Variants in CHRM3 observed in about 807,000 individuals in gnomAD.
The protein encoded by CHRM3 is cholinergic receptor muscarinic 3, also known as muscarinic acetylcholine receptor M3.
CHRM3 carries 11 observed loss-of-function variants against 41.8 expected under a neutral mutation model. That is an observed-to-expected ratio of 0.26 (90% CI 0.17 to 0.44). The LOEUF is 0.44. CHRM3 is among the 20% of genes least tolerant of loss of function. The pLI, the probability that CHRM3 is intolerant of heterozygous loss-of-function variation, is 1.00. For synonymous variants in CHRM3, 297 were observed against 301.4 expected (o/e 0.99, Z 0.15); for missense variants, 571 against 745.4 (o/e 0.77, Z 2.72).
chr1:239,601,837 C>G (rs1665579555), intron 3 of CHRM3, among the ~76,000 whole-genome samples: 1 of 151,794 alleles, frequency 6.6e-6, no homozygotes, highest in Non-Finnish European at 1.5e-5. Flanking sequence ...AAAAATATCC[C>G]TTTGTTCCTA....
At chr1:239,595,051 T>C (rs1664634639) in intron 3 of CHRM3, among the ~76,000 whole-genome samples, 1 of 152,200 alleles carries the variant, frequency 6.6e-6, no homozygotes, top group African/African-American at 2.4e-5. Context: ...ATTGTGCCAT[T>C]GCACTCCAGC....
Position 239,641,322 on chromosome 1 carries a change from T to A in CHRM3, c.-250+9036T>A, listed in dbSNP as rs1248086379. ...TGAGTTCAATTCCTGGATATCCTTG[T>A]TAACTTTCTGTCTCATTGATCTGTC... On this transcript the variant is annotated intron_variant, in intron 4 of 6. Coordinates refer to ENST00000676153, the MANE Select transcript of CHRM3 (RefSeq NM_001375978.1). 5.3e-5 allele frequency among the ~76,000 whole-genome samples: 8 copies of A among 151,698 alleles called. 1 individual carries two copies. The highest frequency in any genetic ancestry group is 7.3e-5 in the African/African-American group (3 of 41,322).
chr1:239,600,439 C>G (rs1665377556), intron 3 of CHRM3, among the ~76,000 whole-genome samples: 3 of 152,026 alleles, frequency 2.0e-5, no homozygotes. Context: ...CAGATTGTGT[C>G]AGGTAGGCTA....
chr1:239,645,153 T>A (rs912114857), intron 4 of CHRM3, among the ~76,000 whole-genome samples: 2 of 152,102 alleles, frequency 1.3e-5, no homozygotes, highest in African/African-American at 4.8e-5. Flanking sequence ...GAGCCAAGTG[T>A]CCCCATCGTA....
chr1:239,794,350 T>C (rs910994191), intron 5 of CHRM3, among the ~76,000 whole-genome samples: 4 of 151,896 alleles, frequency 2.6e-5, no homozygotes, highest in Non-Finnish European at 5.9e-5. Context: ...TAGAGTTACC[T>C]TTTGCTTTGC....
chr1:239,444,219 C>A (rs1302825304), intron 1 of CHRM3, among the ~76,000 whole-genome samples: 1 of 152,142 alleles, frequency 6.6e-6, no homozygotes, highest in Non-Finnish European at 1.5e-5. Flanking sequence ...AGACAAAATA[C>A]AAAAGTCCAT....
intron 1 of CHRM3, among the ~76,000 whole-genome samples, chr1:239,433,902 T>C (rs193242864): frequency 8.5e-5 from 13 of 152,322 alleles, no homozygotes; most frequent in African/African-American, 2.6e-4. Flanking sequence ...TTTGCAATTG[T>C]GGATTTTGCT....
intron 4 of CHRM3, among the ~76,000 whole-genome samples, chr1:239,668,659 C>T (rs1395882287): frequency 2.0e-5 from 3 of 152,194 alleles, no homozygotes; most frequent in Non-Finnish European, 4.4e-5. Flanking sequence ...TAGGCTCAAA[C>T]ATTCTGATGC....
In CHRM3 at chr1:239,911,008, G is replaced by A. The variant is rs916379850; in HGVS notation, c.*1784G>A. 1.2e-5 allele frequency: 2 copies of A among 167,040 alleles called. No individual in the cohort carries two copies. The highest frequency in any genetic ancestry group is 2.9e-5 in the Non-Finnish European group (2 of 68,112). The allele number at this position is 167,040 out of a possible 1,614,324, so 10.3% of individuals were successfully genotyped here. A position where few individuals can be genotyped will look rare whatever the true frequency, so the allele number is the denominator to read the frequency against. On this transcript the variant is annotated 3_prime_UTR_variant, in exon 7 of 7. Coordinates refer to ENST00000676153, the MANE Select transcript of CHRM3 (RefSeq NM_001375978.1). ...GATAAATATGACTCTTCAGTCGTCAGCCATGGTGTCCTTTCAAAGTGATTC... is the reference window on the plus strand; with the variant it reads ...GATAAATATGACTCTTCAGTCGTCAACCATGGTGTCCTTTCAAAGTGATTC...
intron 6 of CHRM3, among the ~76,000 whole-genome samples, chr1:239,904,170 G>A (rs981977927): frequency 1.3e-5 from 2 of 152,162 alleles, no homozygotes; most frequent in East Asian, 1.9e-4. Flanking sequence ...ATGAGGAAAC[G>A]TAGCTGCTGT....
chr1:239,533,014 A>G (rs913464377), intron 2 of CHRM3, among the ~76,000 whole-genome samples: 6 of 152,206 alleles, frequency 3.9e-5, no homozygotes, highest in Admixed American at 2.0e-4. Context: ...GCTCTTCTGG[A>G]AATAATATAT....
chr1:239,800,169 T>A (rs1414559246), intron 5 of CHRM3, among the ~76,000 whole-genome samples: 1 of 152,162 alleles, frequency 6.6e-6, no homozygotes. Context: ...TTATCTTCAC[T>A]GTTTTAAGCT....
At chr1:239,852,182 C>A (rs2149227384) in intron 6 of CHRM3, among the ~76,000 whole-genome samples, 1 of 152,070 alleles carries the variant, frequency 6.6e-6, no homozygotes, top group Non-Finnish European at 1.5e-5. Flanking sequence ...TGGTCAATTC[C>A]AGAAATCCTG....
At chr1:239,389,053 A>G (rs995091415) in intron 1 of CHRM3, among the ~76,000 whole-genome samples, 2 of 152,208 alleles carry the variant, frequency 1.3e-5, no homozygotes, top group Non-Finnish European at 2.9e-5. Flanking sequence ...CGAAAATAGC[A>G]ATGTCGAAAT....
intron 4 of CHRM3, among the ~76,000 whole-genome samples, chr1:239,645,112 C>A (rs768716177): frequency 6.6e-6 from 1 of 152,200 alleles, no homozygotes; most frequent in Non-Finnish European, 1.5e-5. Flanking sequence ...CCGCCCTCAG[C>A]CGTGCTTAGA....
chr1:239,697,622 G>A (rs1660319865), intron 5 of CHRM3, among the ~76,000 whole-genome samples: 1 of 152,120 alleles, frequency 6.6e-6, no homozygotes, highest in South Asian at 2.1e-4. Flanking sequence ...ATCCAGCAAA[G>A]GAGGAAGAAT....
chr1:239,863,866 A>G (rs944715663), intron 6 of CHRM3, among the ~76,000 whole-genome samples: 2 of 152,200 alleles, frequency 1.3e-5, no homozygotes, highest in African/African-American at 2.4e-5. Context: ...GACCAATCCT[A>G]AGTATAACAG....
At position 239,731,186 on chromosome 1, in the gene CHRM3, G is replaced by A. The variant is rs1432659858; in HGVS notation, c.-147+52898G>A. On this transcript the variant is annotated intron_variant, in intron 5 of 6. Coordinates refer to ENST00000676153, the MANE Select transcript of CHRM3 (RefSeq NM_001375978.1). ...GTGGACTGTCACGTGCAGATAGCCA[G>A]TAGACAGTTGAATGTGCACTTCTGT... 3.9e-5 allele frequency among the ~76,000 whole-genome samples: 6 copies of A among 151,908 alleles called. No homozygotes were observed. The East Asian group carries it at 1.2e-3, about 29-fold the overall frequency.
chr1:239,809,944 T>C (rs940475646), intron 5 of CHRM3, among the ~76,000 whole-genome samples: 10 of 152,196 alleles, frequency 6.6e-5, no homozygotes, highest in South Asian at 2.1e-4. Flanking sequence ...AGGTAGCAGG[T>C]AGTGTCTGCT....
Sources: allele counts gnomAD v4.1 joint callset (sites outside exome capture counted in the v4.1 genomes callset), GRCh38; gene constraint gnomAD v4.1.1; transcripts MANE v1.5; gene names NCBI Gene and HGNC (gene_info 2026-07-23, HGNC 2026-07-21).